RNF144A: variants seen among roughly 807,000 people sequenced by gnomAD.
RNF144A encodes ring finger protein 144A.
In RNF144A, 11 loss-of-function variants were observed where a neutral mutation model predicts 38.7. The observed-to-expected ratio is 0.28, with a 90% CI of 0.18 to 0.47. The LOEUF is 0.47. Ranked by LOEUF, RNF144A falls within the 20% of genes least tolerant of loss-of-function variation. The probability of loss-of-function intolerance (pLI) is 0.99; values close to 1 mark genes in which losing one functional copy is unlikely to be tolerated. For synonymous variants in RNF144A, 149 were observed against 143.9 expected (o/e 1.04, Z -0.25); for missense variants, 316 against 377.2 (o/e 0.84, Z 1.34).
At chr2:7,014,813 G>A (rs1375947896) in intron 5 of RNF144A, 41 bp downstream of exon 5, 1 of 1,390,548 alleles carries the variant, frequency 7.2e-7, no homozygotes, top group East Asian at 2.3e-5. Context: ...TTCCTGTAAT[G>A]TGTGAATGTG....
At chr2:6,957,471 G>A (rs558928252) in intron 2 of RNF144A, among the ~76,000 whole-genome samples, 16 of 152,320 alleles carry the variant, frequency 1.1e-4, no homozygotes, top group South Asian at 2.1e-4. Flanking sequence ...GATGTTGTGC[G>A]TACTAAGAGG....
At chr2:7,069,145 T>C (rs1475274644), downstream of RNF144A, among the ~76,000 whole-genome samples, 4 of 152,140 alleles carry the variant, frequency 2.6e-5, no homozygotes, top group African/African-American at 9.7e-5. Context: ...CTGGTAGGTG[T>C]TGAGTTGGGG....
intron 3 of RNF144A, among the ~76,000 whole-genome samples, chr2:7,004,468 C>T (rs1362352551): frequency 1.1e-4 from 17 of 152,202 alleles, no homozygotes; most frequent in Admixed American, 1.1e-3. Context: ...CTCTAGGATC[C>T]AGTCCACCAG....
rs866777619 is a variant in RNF144A, at chr2:6,917,467, G to C, written c.-367G>C. ...GCCGCTTCTCCCCGCGCGGGCTCTC[G>C]GCAGGCGGGAGGCGGCAGGGCTGGC... On this transcript the variant is annotated 5_prime_UTR_variant, in exon 1 of 9. Transcript: ENST00000320892. This position sits in a 1 kb window ranked among gnomAD's most constrained non-coding sequence, Gnocchi z 4.8. 2 of 147,002 alleles carry C rather than the reference G, an allele frequency of 1.4e-5. No individual in the cohort carries two copies. Among genetic ancestry groups the C allele is most frequent in the African/African-American group, 2.4e-5 (1 of 40,858 alleles). The allele number at this position is 147,002 out of a possible 1,614,324, so 9.1% of individuals were successfully genotyped here. A position where few individuals can be genotyped will look rare whatever the true frequency, so the allele number is the denominator to read the frequency against.
chr2:7,018,514 C>T (rs1457231138), intron 5 of RNF144A, among the ~76,000 whole-genome samples: 1 of 152,230 alleles, frequency 6.6e-6, no homozygotes, highest in African/African-American at 2.4e-5. Flanking sequence ...GCGCTCAGTG[C>T]CCCAGGCTGG....
chr2:7,039,695 A>G lies in RNF144A; in HGVS notation c.814A>G (p.Thr272Ala). Residue 272 changes from threonine to alanine, a missense_variant, in exon 9 of 9, where the codon ACT becomes GCT. By Grantham distance (58) the Thr-to-Ala change is moderately conservative. Transcript: ENST00000320892. ...GGCCTCACCTTTCCTACTCCTGGCC[A>G]CTCCCTTTGTACTTTGCTGCAAGTG... ...LVASPFLLLA[T>A]PFVLCCKCKC... The G allele has an allele frequency of 6.2e-7, 1 of 1,611,918 alleles. No individual in the cohort carries two copies. The highest frequency in any genetic ancestry group is 1.1e-5 in the South Asian group (1 of 90,862).
intron 1 of RNF144A, among the ~76,000 whole-genome samples, chr2:6,923,802 T>A (rs1168253018): frequency 6.6e-6 from 1 of 152,114 alleles, no homozygotes; most frequent in African/African-American, 2.4e-5. Context: ...CAACTTTATT[T>A]TTTTTTTTCA....
chr2:6,928,318 C>T (rs559862009), intron 1 of RNF144A, among the ~76,000 whole-genome samples: 1 of 152,362 alleles, frequency 6.6e-6, no homozygotes, highest in Non-Finnish European at 1.5e-5. Context: ...GCATCAAGTT[C>T]ATTGCCGCAG....
intron 5 of RNF144A, among the ~76,000 whole-genome samples, chr2:7,016,154 TA>T (rs1055774947): frequency 1.3e-4 from 19 of 150,142 alleles, no homozygotes; most frequent in Admixed American, 3.3e-4. Flanking sequence ...GTAGCCCACT[TA>T]AAAAAAAACT....
Position 7,032,725 on chromosome 2 carries a change from A to G in RNF144A, c.747+2510A>G, listed in dbSNP as rs1206410851. On this transcript the variant is annotated intron_variant, in intron 8 of 8. Coordinates refer to ENST00000320892, the MANE Select transcript of RNF144A (RefSeq NM_014746.6). ...TGGTATGGGATCGAGGCCCACGCTA[A>G]TCACCTCATGGTAACTTGATTGCAT... Among the ~76,000 whole-genome samples, 3 of 152,348 alleles carry G rather than the reference A, an allele frequency of 2.0e-5. No individual in the cohort carries two copies. The East Asian group carries it at 5.8e-4, about 29-fold the overall frequency.
intron 2 of RNF144A, among the ~76,000 whole-genome samples, chr2:6,957,338 C>G (rs937979613): frequency 6.6e-6 from 1 of 152,214 alleles, no homozygotes; most frequent in Non-Finnish European, 1.5e-5. Flanking sequence ...TCAGAAGGCA[C>G]TTGGTAAATA....
At chr2:6,927,015 C>T (rs908242722) in intron 1 of RNF144A, among the ~76,000 whole-genome samples, 3 of 152,136 alleles carry the variant, frequency 2.0e-5, no homozygotes, top group East Asian at 1.9e-4. Flanking sequence ...CTTAAACTTG[C>T]GGTACTTTGT....
downstream of RNF144A, among the ~76,000 whole-genome samples, chr2:7,072,649 C>A (rs948718393): frequency 1.1e-4 from 16 of 152,314 alleles, 2 homozygotes; most frequent in Admixed American, 7.2e-4. Flanking sequence ...TTACCTGTCT[C>A]GCCCCAGTTA....
At chr2:7,010,717 G>A (rs896053760) in intron 3 of RNF144A, among the ~76,000 whole-genome samples, 20 of 152,162 alleles carry the variant, frequency 1.3e-4, no homozygotes, top group African/African-American at 4.6e-4. Flanking sequence ...CCTCTGTGTG[G>A]CTGATGCCTT....
intron 1 of RNF144A, among the ~76,000 whole-genome samples, chr2:6,930,137 A>T (rs1380627165): frequency 6.6e-6 from 1 of 152,236 alleles, no homozygotes; most frequent in East Asian, 1.9e-4. Context: ...GTATTTCTTC[A>T]TGTTTTTTAA....
chr2:7,029,765 C>T (rs1435244584), intron 7 of RNF144A, among the ~76,000 whole-genome samples: 2 of 152,224 alleles, frequency 1.3e-5, no homozygotes, highest in Non-Finnish European at 2.9e-5. Context: ...CAGTGACCTG[C>T]GTGTTCAGTA....
At position 6,958,165 on chromosome 2, in the gene RNF144A, C is replaced by G. The variant is rs1667125595; in HGVS notation, c.-12+17018C>G. Among the ~76,000 whole-genome samples the G allele has an allele frequency of 6.6e-6, 1 of 152,250 alleles. No individual in the cohort carries two copies. Among genetic ancestry groups the G allele is most frequent in the Non-Finnish European group, 1.5e-5 (1 of 68,050 alleles). On this transcript the variant is annotated intron_variant, in intron 2 of 8. Coordinates refer to ENST00000320892, the MANE Select transcript of RNF144A (RefSeq NM_014746.6). The surrounding 1 kb of genome is among the most constrained non-coding windows in gnomAD (Gnocchi z 4.5). ...CACCATGGGGCACCGGGCGTGCTGT[C>G]TCTTCCTGGAAGGTGGAACTTGATC...
chr2:7,020,422 C>G, intron 5 of RNF144A, 51 bp from the exon 6 acceptor site: 1 of 1,539,234 alleles, frequency 6.5e-7, no homozygotes, highest in South Asian at 1.1e-5. Flanking sequence ...CTGAAGCCCA[C>G]ATGACCCTCT....
intron 1 of RNF144A, among the ~76,000 whole-genome samples, chr2:6,939,266 T>C (rs535755411): frequency 2.1e-4 from 32 of 152,356 alleles, no homozygotes; most frequent in Non-Finnish European, 4.3e-4. Flanking sequence ...GTCCTTCGAT[T>C]CTAGCCATCC....
Sources: gnomAD v4.1 joint callset for allele counts (sites outside exome capture counted in the v4.1 genomes callset) on GRCh38, gnomAD v4.1.1 for gene constraint, Gnocchi (gnomAD v3.1) non-coding constraint, MANE v1.5 for transcripts, NCBI Gene and HGNC (gene_info 2026-07-23, HGNC 2026-07-21) for gene names.